Variants in FCHSD2 observed in about 807,000 individuals in gnomAD.
FCHSD2 encodes F-BAR and double SH3 domains protein 2.
A neutral mutation model predicts 108.1 loss-of-function variants in FCHSD2; 38 were observed. The ratio of observed to expected loss-of-function variants is 0.35; its 90% CI spans 0.27 to 0.46. The LOEUF (loss-of-function observed/expected upper bound fraction) is 0.46. Ranked by LOEUF, FCHSD2 falls within the 20% of genes least tolerant of loss-of-function variation. The pLI, the probability that FCHSD2 is intolerant of heterozygous loss-of-function variation, is 1.00. For synonymous variants in FCHSD2, 279 were observed against 314.7 expected, an observed-to-expected ratio of 0.89 and a Z score of 1.20; for missense variants, 751 against 897.8, an observed-to-expected ratio of 0.84 and a Z score of 2.09.
chr11:72,990,681 C>T (rs1216168611), intron 5 of FCHSD2, among the ~76,000 whole-genome samples: 1 of 152,104 alleles, frequency 6.6e-6, no homozygotes, highest in Non-Finnish European at 1.5e-5. Context: ...ACACAACATA[C>T]CAGAATCTCT....
chr11:73,061,174 G>C (rs536645992), intron 3 of FCHSD2, among the ~76,000 whole-genome samples: 1 of 152,322 alleles, frequency 6.6e-6, no homozygotes, highest in South Asian at 2.1e-4. Flanking sequence ...AGCCGAAGCA[G>C]GGTGGGGGGT....
At chr11:73,087,029 T>C (rs1044821194) in intron 2 of FCHSD2, among the ~76,000 whole-genome samples, 4 of 152,228 alleles carry the variant, frequency 2.6e-5, no homozygotes, top group African/African-American at 7.2e-5. Flanking sequence ...AGGCAGTTCC[T>C]TCAGGAGGTA....
chr11:72,851,729 G>A lies in FCHSD2; in HGVS notation c.1309-1840C>T, dbSNP rs11822832. 7.7e-3 allele frequency among the ~76,000 whole-genome samples: 1,177 copies of A among 152,082 alleles called. 13 individuals carry two copies. Among genetic ancestry groups the A allele is most frequent in the African/African-American group, 0.027 (1,115 of 41,466 alleles). On this transcript the variant is annotated intron_variant, in intron 13 of 19. Coordinates refer to ENST00000409418, the MANE Select transcript of FCHSD2 (RefSeq NM_014824.3). ...CTGCACTCCGGCCTGGTGACAGAGC[G>A]AGACTCTGTCTCAAAACAAAACAAA...
At chr11:73,059,548 T>A (rs1301403018) in intron 3 of FCHSD2, among the ~76,000 whole-genome samples, 2 of 152,172 alleles carry the variant, frequency 1.3e-5, no homozygotes, top group African/African-American at 4.8e-5. Flanking sequence ...TGCCTTGTAC[T>A]AAGTTTATTT....
chr11:72,967,265 T>C (rs1856927371), intron 8 of FCHSD2, among the ~76,000 whole-genome samples: 1 of 150,942 alleles, frequency 6.6e-6, no homozygotes, highest in East Asian at 1.9e-4. Flanking sequence ...TTTTAGGCAG[T>C]AAGAGCAATA....
At position 72,902,747 on chromosome 11, in the gene FCHSD2, C is replaced by T. The variant is rs1591382776; in HGVS notation, c.829-109G>A. 6 of 624,648 alleles carry T rather than the reference C, an allele frequency of 9.6e-6. No homozygotes were observed. In the East Asian group the frequency reaches 1.5e-4, roughly 15 times the overall value. The allele number at this position is 624,648 out of a possible 1,614,324, so 38.7% of individuals were successfully genotyped here. On this transcript the variant is annotated intron_variant, in intron 9 of 19. Coordinates refer to ENST00000409418, the MANE Select transcript of FCHSD2 (RefSeq NM_014824.3). ...ATTTTCTATACAAATGAGAAATCATCCAACACTGTGGTAAAAAAGAAATGG... is the reference window on the plus strand; with the variant it reads ...ATTTTCTATACAAATGAGAAATCATTCAACACTGTGGTAAAAAAGAAATGG...
At chr11:73,011,067 C>T (rs936117083) in intron 4 of FCHSD2, among the ~76,000 whole-genome samples, 1 of 152,242 alleles carries the variant, frequency 6.6e-6, no homozygotes, top group Admixed American at 6.5e-5. Context: ...TGGGTAGAAC[C>T]AACCTCAGGC....
At chr11:73,120,769 C>T (rs1565100077) in intron 2 of FCHSD2, among the ~76,000 whole-genome samples, 1 of 148,458 alleles carries the variant, frequency 6.7e-6, no homozygotes, top group Non-Finnish European at 1.5e-5. Context: ...AAAAAAGAAA[C>T]ATATGAAGAT....
intron 13 of FCHSD2, among the ~76,000 whole-genome samples, chr11:72,854,831 C>T (rs1469934965): frequency 6.6e-6 from 1 of 152,138 alleles, no homozygotes; most frequent in Non-Finnish European, 1.5e-5. Context: ...TTTACTTTTG[C>T]TAGATGAAAA....
chr11:72,976,762 A>G (rs1214907504), intron 8 of FCHSD2, among the ~76,000 whole-genome samples: 1 of 152,174 alleles, frequency 6.6e-6, no homozygotes, highest in African/African-American at 2.4e-5. Context: ...ATCTACAGTG[A>G]ACTCATTTTC....
intron 3 of FCHSD2, among the ~76,000 whole-genome samples, chr11:73,034,263 A>G (rs1354485524): frequency 1.3e-5 from 2 of 152,180 alleles, no homozygotes; most frequent in Non-Finnish European, 2.9e-5. Flanking sequence ...TTCTTTAAAT[A>G]TATTTACAGA....
chr11:72,878,932 C>T (rs561703510), intron 12 of FCHSD2, among the ~76,000 whole-genome samples: 2 of 151,978 alleles, frequency 1.3e-5, no homozygotes, highest in East Asian at 3.9e-4. Flanking sequence ...CATGGTGAAA[C>T]CCCGTCTCTA....
chr11:72,931,362 C>T (rs1430787410), intron 8 of FCHSD2, among the ~76,000 whole-genome samples: 5 of 148,810 alleles, frequency 3.4e-5, no homozygotes, highest in Non-Finnish European at 7.4e-5. Context: ...CTGCCTCAGC[C>T]TCCTAAAGTG....
At chr11:72,944,963 T>C (rs964897124) in intron 8 of FCHSD2, among the ~76,000 whole-genome samples, 77 of 152,124 alleles carry the variant, frequency 5.1e-4, no homozygotes, top group Admixed American at 7.2e-4. Flanking sequence ...ATCGTGAAAA[T>C]GGCCATACTG....
At chr11:73,094,097 G>A (rs1435534505) in intron 2 of FCHSD2, among the ~76,000 whole-genome samples, 1 of 152,084 alleles carries the variant, frequency 6.6e-6, no homozygotes, top group African/African-American at 2.4e-5. Flanking sequence ...TGTAATCCCA[G>A]CTACCCGGGA....
chr11:73,023,698 C>CA lies in FCHSD2; in HGVS notation c.166-7814dup, dbSNP rs532036057. Among the ~76,000 whole-genome samples the CA allele has an allele frequency of 1.7e-3, 252 of 152,142 alleles. 2 individuals carry two copies. Among genetic ancestry groups the CA allele is most frequent in the Non-Finnish European group, 2.1e-3 (141 of 67,986 alleles). ...CAACTGATTTGAAAACTTAGGTTCA[C>CA]AAAAAAACCTGAGCACAAATGCTTC... On this transcript the variant is annotated intron_variant, in intron 3 of 19. Coordinates refer to ENST00000409418, the MANE Select transcript of FCHSD2 (RefSeq NM_014824.3).
chr11:72,984,774 C>A (rs986429299), intron 7 of FCHSD2, among the ~76,000 whole-genome samples: 1 of 152,190 alleles, frequency 6.6e-6, no homozygotes, highest in Non-Finnish European at 1.5e-5. Flanking sequence ...CTTTCCAAAG[C>A]CCCCGGATTA....
intron 2 of FCHSD2, among the ~76,000 whole-genome samples, chr11:73,086,269 C>T (rs112806939): frequency 0.022 from 3,390 of 152,088 alleles, 121 homozygotes; most frequent in African/African-American, 0.077. Flanking sequence ...ATTAGCTGGG[C>T]GTGGTGGTGC....
Position 72,872,180 on chromosome 11 carries a change from G to A in FCHSD2, c.1147-4154C>T, listed in dbSNP as rs140736128. On this transcript the variant is annotated intron_variant, in intron 12 of 19. Transcript: ENST00000409418. The stretch of plus-strand genomic sequence containing the variant: ...GGCACTCCAATTGGTAAATACTCTT[G>A]CAAAAATCTGCTTATTCTTTTCATA... Among the ~76,000 whole-genome samples the A allele has an allele frequency of 2.8e-3, 432 of 151,710 alleles. 1 individual carries two copies. The highest frequency in any genetic ancestry group is 4.9e-3 in the Non-Finnish European group (331 of 67,918).
Sources: allele counts gnomAD v4.1 joint callset (sites outside exome capture counted in the v4.1 genomes callset), GRCh38; gene constraint gnomAD v4.1.1; transcripts MANE v1.5; gene names NCBI Gene and HGNC (gene_info 2026-07-23, HGNC 2026-07-21).